Variants in POT1 observed in about 807,000 individuals in gnomAD.
The protein encoded by POT1 is protection of telomeres protein 1.
POT1 carries 47 observed loss-of-function variants against 78.5 expected under a neutral mutation model. That is an observed-to-expected ratio of 0.60 (90% CI 0.47 to 0.76). The LOEUF (loss-of-function observed/expected upper bound fraction) is 0.76. POT1 is among the 30% of genes least tolerant of loss of function. The pLI, the probability that POT1 is intolerant of heterozygous loss-of-function variation, is 0.00. For synonymous variants in POT1, 259 were observed against 260.7 expected, an observed-to-expected ratio of 0.99 and a Z score of 0.06; for missense variants, 646 against 749.9, an observed-to-expected ratio of 0.86 and a Z score of 1.62.
At chr7:124,899,829 TAC>T (rs2116650536) in intron 3 of POT1, among the ~76,000 whole-genome samples, 1 of 152,220 alleles carries the variant, frequency 6.6e-6, no homozygotes, top group South Asian at 2.1e-4. Context: ...AATGTTAGAG[TAC>T]AGATGACCAT....
intron 6 of POT1, among the ~76,000 whole-genome samples, chr7:124,884,269 C>A (rs902347595): frequency 3.3e-5 from 5 of 152,088 alleles, no homozygotes. Context: ...CATATCCTAG[C>A]ATCCTATCCC....
chr7:124,852,196 G>A (rs1194908093), intron 10 of POT1, among the ~76,000 whole-genome samples: 1 of 151,998 alleles, frequency 6.6e-6, no homozygotes, highest in Non-Finnish European at 1.5e-5. Flanking sequence ...AATAAACTGG[G>A]AATTTAATGG....
chr7:124,893,943 G>A (rs991813211), intron 5 of POT1, among the ~76,000 whole-genome samples: 6 of 151,508 alleles, frequency 4.0e-5, no homozygotes, highest in East Asian at 1.9e-4. Flanking sequence ...ATCAGGTAGC[G>A]AGCTCCTTTT....
chr7:124,880,686 T>C (rs1796096652), intron 6 of POT1, among the ~76,000 whole-genome samples: 2 of 152,040 alleles, frequency 1.3e-5, no homozygotes, highest in South Asian at 4.1e-4. Context: ...GGTAACACTT[T>C]GAGAAACATT....
At chr7:124,869,212 A>G (rs1278432461) in intron 7 of POT1, among the ~76,000 whole-genome samples, 1 of 152,164 alleles carries the variant, frequency 6.6e-6, no homozygotes, top group Non-Finnish European at 1.5e-5. Context: ...TACTTATTGA[A>G]AAAAGTCTGC....
chr7:124,867,034 A>G (rs1795743858), intron 7 of POT1, among the ~76,000 whole-genome samples: 1 of 152,196 alleles, frequency 6.6e-6, no homozygotes, highest in African/African-American at 2.4e-5. Context: ...ACTAGTGTAT[A>G]CTGTTGACTA....
At chr7:124,880,965 C>T (rs1412129507) in intron 6 of POT1, among the ~76,000 whole-genome samples, 2 of 151,956 alleles carry the variant, frequency 1.3e-5, no homozygotes, top group Non-Finnish European at 2.9e-5. Context: ...TGCAAGCTCT[C>T]TAAAATGACG....
At chr7:124,912,396 T>A (rs1796908665) in intron 3 of POT1, among the ~76,000 whole-genome samples, 1 of 152,076 alleles carries the variant, frequency 6.6e-6, no homozygotes, top group Non-Finnish European at 1.5e-5. Flanking sequence ...TCTAGAATAC[T>A]CTTACTTTAA....
At position 124,841,170 on chromosome 7, in the gene POT1, A is replaced by G; in HGVS notation, c.1172T>C (p.Val391Ala). ...TATATCCAAATCGCCCTCATGTGGA[A>G]CTTCTTGCCTAAAATTATTGGCAAT... ...HCPKCHLLQE[V>A]PHEGDLDIIF... Residue 391 changes from valine to alanine, a missense_variant, in exon 14 of 19, where the codon GTT becomes GCT. Val to Ala is a moderately conservative substitution (Grantham distance 64, BLOSUM62 0). This residue lies in a region of POT1 where 394 missense variants were observed against 408.4 expected (regional missense o/e 0.96). Coordinates refer to ENST00000357628, the MANE Select transcript of POT1 (RefSeq NM_015450.3). 1.2e-6 allele frequency: 2 copies of G among 1,610,770 alleles called. No individual in the cohort carries two copies. The highest frequency in any genetic ancestry group is 4.5e-5 in the East Asian group (2 of 44,726).
chr7:124,841,045 T>C lies in POT1; in HGVS notation c.1297A>G (p.Lys433Glu). Residue 433 changes from lysine (K) to glutamate (E), a missense_variant, in exon 14 of 19, where the codon AAA (lysine) becomes GAA (glutamate). Around this residue, in one of 2 missense-constraint regions of POT1, gnomAD observed 394 missense variants for 408.4 expected, o/e 0.96. Transcript: ENST00000357628. ...IWTTKNQKGR[K>E]VAVHFVKNNG... is the part of the protein sequence containing the mutation. ...TTTTTCACAAAATGAACTGCTACTT[T>C]TCGTCCTTTTTGATTTTTAGTGGTC... 6.2e-7 allele frequency: 1 copy of C among 1,612,486 alleles called. No homozygotes were observed. Among genetic ancestry groups the C allele is most frequent in the Non-Finnish European group, 8.5e-7 (1 of 1,178,832 alleles).
chr7:124,827,155 T>C, intron 17 of POT1, 59 bp downstream of exon 17: 1 of 1,008,802 alleles, frequency 9.9e-7, no homozygotes, highest in East Asian at 2.9e-5. Flanking sequence ...AATAAATGTA[T>C]TCAATTTTTT....
intron 8 of POT1, among the ~76,000 whole-genome samples, chr7:124,862,589 G>GT (rs1795624225): frequency 6.6e-6 from 1 of 152,110 alleles, no homozygotes; most frequent in African/African-American, 2.4e-5. Flanking sequence ...TAACTTCTCT[G>GT]TTTTTTAATA....
At chr7:124,908,675 G>A (rs901767981) in intron 3 of POT1, among the ~76,000 whole-genome samples, 23 of 151,676 alleles carry the variant, frequency 1.5e-4, no homozygotes, top group African/African-American at 5.6e-4. Context: ...CTTCTCCAGG[G>A]GACACTATGC....
Position 124,847,098 on chromosome 7 carries a change from T to C in POT1, c.950-100A>G, listed in dbSNP as rs1584761657. Reference sequence around the variant, plus strand: ...TGAGAGAAACTGAAGAAAATATAAATAAATGGTGAGATATGCCACATTCAT... The same window carrying C: ...TGAGAGAAACTGAAGAAAATATAAACAAATGGTGAGATATGCCACATTCAT... On this transcript the variant is annotated intron_variant, in intron 11 of 18. Coordinates refer to ENST00000357628, the MANE Select transcript of POT1 (RefSeq NM_015450.3). 12 of 752,782 alleles carry C rather than the reference T, an allele frequency of 1.6e-5. No individual in the cohort carries two copies. The East Asian group carries it at 3.1e-4, about 19-fold the overall frequency. 46.6% of individuals were successfully genotyped at this position (752,782 alleles called of 1,614,324 possible).
chr7:124,873,137 T>C (rs917308892), intron 6 of POT1, among the ~76,000 whole-genome samples: 1 of 152,196 alleles, frequency 6.6e-6, no homozygotes, highest in Non-Finnish European at 1.5e-5. Flanking sequence ...ATGTTGGCTG[T>C]GCAGAAGGTT....
chr7:124,861,838 C>A (rs1017800184), intron 8 of POT1, among the ~76,000 whole-genome samples: 3 of 152,156 alleles, frequency 2.0e-5, no homozygotes, highest in Non-Finnish European at 4.4e-5. Flanking sequence ...CCAGTCTTCC[C>A]AACACCACTT....
chr7:124,865,598 G>C (rs1319866770), intron 7 of POT1, among the ~76,000 whole-genome samples: 1 of 151,524 alleles, frequency 6.6e-6, no homozygotes, highest in African/African-American at 2.4e-5. Context: ...TTTTTTAATA[G>C]TTTCCACTTC....
rs190700908 is a variant in POT1 at position 124,900,022 on chromosome 7, C to A, written c.-153-1648G>T. Among the ~76,000 whole-genome samples the A allele has an allele frequency of 5.9e-5, 9 of 152,216 alleles. 1 individual carries two copies. In the South Asian group the frequency reaches 1.9e-3, roughly 32 times the overall value. ...CACACAATTCAGTAAAAAGTTACAA[C>A]CCTTCCTCTGGCATATATTCAACAG... is the stretch of plus-strand genomic sequence containing the variant. On this transcript the variant is annotated intron_variant, in intron 3 of 18. Transcript: ENST00000357628.
rs151094283 is a variant in POT1 at position 124,870,078 on chromosome 7, A to G, written c.255+833T>C. 5.3e-5 allele frequency among the ~76,000 whole-genome samples: 8 copies of G among 152,248 alleles called. No individual in the cohort carries two copies. The East Asian group carries it at 1.2e-3, about 22-fold the overall frequency. ...GCATTAGAAGAAAAAGACAACCAAG[A>G]TGATGAAGAGGTTACATGGAAACCC... On this transcript the variant is annotated intron_variant, in intron 7 of 18. Coordinates refer to ENST00000357628, the MANE Select transcript of POT1 (RefSeq NM_015450.3).
Sources: allele counts gnomAD v4.1 joint callset (sites outside exome capture counted in the v4.1 genomes callset), GRCh38; gene constraint gnomAD v4.1.1; regional missense constraint gnomAD v4.1.1; transcripts MANE v1.5; gene names NCBI Gene and HGNC (gene_info 2026-07-23, HGNC 2026-07-21).